STT3B: variants seen among roughly 807,000 people sequenced by gnomAD.
STT3B encodes STT3 oligosaccharyltransferase complex catalytic subunit B.
Under a neutral mutation model 96.8 loss-of-function variants are expected in STT3B, and 29 were observed. The ratio of observed to expected loss-of-function variants is 0.30; its 90% confidence interval spans 0.22 to 0.41. STT3B has a LOEUF of 0.41. Ranked by LOEUF, STT3B falls within the 10% of genes least tolerant of loss-of-function variation. The pLI is 1.00. For missense variants in STT3B, 640 were observed against 1,022.3 expected, an observed-to-expected ratio of 0.63 and a Z score of 5.10; for synonymous variants, 367 against 360.0, an observed-to-expected ratio of 1.02 and a Z score of -0.22.
chr3:31,569,991 C>A (rs1040989164), intron 1 of STT3B, among the ~76,000 whole-genome samples: 1 of 152,000 alleles, frequency 6.6e-6, no homozygotes, highest in African/African-American at 2.4e-5. Context: ...AAATTTCAAA[C>A]ATACAGCAAA....
chr3:31,572,037 TG>T (rs1698161856), intron 1 of STT3B, among the ~76,000 whole-genome samples: 1 of 40,420 alleles, frequency 2.5e-5, no homozygotes, highest in African/African-American at 4.9e-5. Context: ...TATTAATATA[TG>T]ATATATTAAT....
chr3:31,603,935 CA>C (rs1437174716), intron 5 of STT3B, among the ~76,000 whole-genome samples: 1 of 151,908 alleles, frequency 6.6e-6, no homozygotes, highest in East Asian at 1.9e-4. Flanking sequence ...CAGATACATA[CA>C]ATGAGTATGT....
chr3:31,626,264 A>G, intron 13 of STT3B, 137 bp downstream of exon 13: 1 of 779,338 alleles, frequency 1.3e-6, no homozygotes, highest in East Asian at 2.9e-5. Context: ...TTTACTATTT[A>G]TTAAAGATAG....
At chr3:31,580,750 A>T (rs189626761) in intron 3 of STT3B, among the ~76,000 whole-genome samples, 3 of 152,098 alleles carry the variant, frequency 2.0e-5, no homozygotes, top group Non-Finnish European at 4.4e-5. Context: ...TTGCTCTAGC[A>T]TGGAATTCTG....
rs1046226694 is a variant in STT3B at position 31,626,138 on chromosome 3, A to G, written c.2073+11A>G. On this transcript the variant is annotated intron_variant, in intron 13 of 15. Transcript: ENST00000295770. ...CCCAAAGACATTCGGGTAAGAAACT[A>G]GATAATTCCAGGTATGTGAAAGATA... The G allele has an allele frequency of 1.2e-6, 2 of 1,608,542 alleles. No homozygotes were observed. Among genetic ancestry groups the G allele is most frequent in the Non-Finnish European group, 1.7e-6 (2 of 1,176,834 alleles).
intron 1 of STT3B, among the ~76,000 whole-genome samples, chr3:31,573,917 T>TA (rs1698211068): frequency 1.3e-5 from 2 of 151,578 alleles, no homozygotes; most frequent in East Asian, 1.9e-4. Context: ...GAGGTGGGGG[T>TA]AAAAAAATCA....
intron 7 of STT3B, among the ~76,000 whole-genome samples, chr3:31,617,661 G>A (rs1559388298): frequency 6.6e-6 from 1 of 151,594 alleles, no homozygotes; most frequent in Non-Finnish European, 1.5e-5. Flanking sequence ...AGCCTTATTA[G>A]TCAACTAAAA....
In STT3B at chr3:31,623,751, C is replaced by T. The variant is rs1553608343; in HGVS notation, c.1617C>T (p.Val539=). 1.9e-6 allele frequency: 3 copies of T among 1,613,988 alleles called. No homozygotes were observed. The highest frequency in any genetic ancestry group is 2.5e-6 in the Non-Finnish European group (3 of 1,179,940). Residue 539 remains valine, a synonymous_variant, in exon 11 of 16, where the codon GTC becomes GTT. Coordinates refer to ENST00000295770, the MANE Select transcript of STT3B (RefSeq NM_178862.3). ...TAGGCCCTAATATAAAAAGCATTGT[C>T]ACCATGTTGATGCTGATGCTATTGA... ...EGLGPNIKSI[V]TMLMLMLLMM... is the part of the protein sequence containing the mutation.
chr3:31,553,645 T>C (rs1697625632), intron 1 of STT3B, among the ~76,000 whole-genome samples: 1 of 152,188 alleles, frequency 6.6e-6, no homozygotes, highest in Non-Finnish European at 1.5e-5. Context: ...ATGAGGGTGA[T>C]GTTATGCATA....
intron 1 of STT3B, 44 bp from the exon 2 acceptor site, chr3:31,576,352 T>A: frequency 1.7e-6 from 2 of 1,158,778 alleles, no homozygotes; most frequent in Non-Finnish European, 2.5e-6. Context: ...GAGCTATTTC[T>A]ATTAAGCAGT....
chr3:31,572,275 A>G lies in STT3B; in HGVS notation c.315-4121A>G, dbSNP rs550267659. Among the ~76,000 whole-genome samples the G allele has an allele frequency of 6.7e-5, 10 of 148,262 alleles. No individual in the cohort carries two copies. In the East Asian group the frequency reaches 1.9e-3, roughly 29 times the overall value. Reference sequence around the variant, plus strand: ...CTTATATGTAATTACTCAACCTTGAACCAGAATTTTCTCTTAGGCCCCAAA... The same window carrying G: ...CTTATATGTAATTACTCAACCTTGAGCCAGAATTTTCTCTTAGGCCCCAAA... On this transcript the variant is annotated intron_variant, in intron 1 of 15. Transcript: ENST00000295770.
chr3:31,533,337 CG>C, intron 1 of STT3B, 25 bp downstream of exon 1: 1 of 1,490,716 alleles, frequency 6.7e-7, no homozygotes, highest in Admixed American at 2.2e-5. Flanking sequence ...GCCCCTCCCC[CG>C]CCCGTGGCCC....
At chr3:31,566,270 T>C (rs1698002377) in intron 1 of STT3B, among the ~76,000 whole-genome samples, 1 of 152,194 alleles carries the variant, frequency 6.6e-6, no homozygotes, top group African/African-American at 2.4e-5. Context: ...AATCACCTTG[T>C]GATCATGCTT....
chr3:31,578,932 A>G (rs1163149228), intron 2 of STT3B, among the ~76,000 whole-genome samples: 1 of 152,144 alleles, frequency 6.6e-6, no homozygotes, highest in Non-Finnish European at 1.5e-5. Context: ...TGCAAATTGT[A>G]TAGCCAGGAA....
intron 3 of STT3B, among the ~76,000 whole-genome samples, chr3:31,586,620 A>T (rs976673312): frequency 1.3e-5 from 2 of 151,968 alleles, no homozygotes; most frequent in African/African-American, 2.4e-5. Flanking sequence ...TTCCAACATC[A>T]TGTGTTGAAA....
chr3:31,634,547 T>C (rs1575451679), intron 15 of STT3B, among the ~76,000 whole-genome samples: 1 of 152,360 alleles, frequency 6.6e-6, no homozygotes, highest in East Asian at 1.9e-4. Flanking sequence ...ACTAACACTA[T>C]GAAGGAATGC....
At chr3:31,587,267 A>AAAAG (rs56172429) in intron 3 of STT3B, among the ~76,000 whole-genome samples, 86,757 of 151,500 alleles carry the variant, frequency 0.57, 27,633 homozygotes, top group Non-Finnish European at 0.72. Context: ...TAACACTCCA[A>AAAAG]AAAGCCTCGC....
At chr3:31,542,176 A>G (rs188240967) in intron 1 of STT3B, among the ~76,000 whole-genome samples, 1 of 152,230 alleles carries the variant, frequency 6.6e-6, no homozygotes, top group Non-Finnish European at 1.5e-5. Context: ...GACAAATGAT[A>G]ATCAGATAAA....
At chr3:31,584,870 A>G (rs1273886934) in intron 3 of STT3B, among the ~76,000 whole-genome samples, 1 of 152,174 alleles carries the variant, frequency 6.6e-6, no homozygotes, top group Non-Finnish European at 1.5e-5. Flanking sequence ...TTTTGCCTAC[A>G]GAATTATAAT....
Sources: allele counts gnomAD v4.1 joint callset (sites outside exome capture counted in the v4.1 genomes callset), GRCh38; gene constraint gnomAD v4.1.1; transcripts MANE v1.5; gene names NCBI Gene and HGNC (gene_info 2026-07-23, HGNC 2026-07-21).